Variants in ARMH4 observed in about 807,000 individuals in gnomAD.
ARMH4 encodes armadillo-like helical domain-containing protein 4.
A neutral mutation model predicts 61.9 loss-of-function variants in ARMH4; 49 were observed. The observed-to-expected ratio is 0.79, with a 90% confidence interval of 0.63 to 1.00. The LOEUF is 1.00. Ranked by LOEUF, ARMH4 falls within the 50% of genes least tolerant of loss-of-function variation. ARMH4 has a pLI of 0.00. For synonymous variants in ARMH4, 368 were observed against 341.5 expected, an observed-to-expected ratio of 1.08 and a Z score of -0.85; for missense variants, 934 against 930.0, an observed-to-expected ratio of 1.00 and a Z score of -0.06.
At position 58,133,201 on chromosome 14, in the gene ARMH4, C is replaced by T. The variant is rs1311783110; in HGVS notation, c.1510G>A (p.Val504Met). The change falls in exon 3 of 8, where the codon GTG becomes ATG. Residue 504 changes from valine to methionine, a missense_variant. By Grantham distance (21) the Val-to-Met change is conservative. Transcript: ENST00000267485. The stretch of plus-strand genomic sequence containing the variant: ...TGAGTAACACCAGGAACGTCAGACA[C>T]AGGAGAGGGGTCCTCCTTTTCTTCC... ...TEEEKEDPSP[V>M]SDVPGVTQLS... 1.2e-6 allele frequency: 2 copies of T among 1,614,142 alleles called. No homozygotes were observed. The highest frequency in any genetic ancestry group is 2.2e-5 in the East Asian group (1 of 44,880).
intron 5 of ARMH4, among the ~76,000 whole-genome samples, chr14:58,056,239 C>T (rs1036255611): frequency 6.6e-6 from 1 of 152,230 alleles, no homozygotes; most frequent in Non-Finnish European, 1.5e-5. Flanking sequence ...GTTATTCTCT[C>T]AGCTCTGCTT....
intron 6 of ARMH4, among the ~76,000 whole-genome samples, chr14:58,011,731 G>A (rs1468232806): frequency 6.8e-6 from 1 of 146,784 alleles, no homozygotes; most frequent in African/African-American, 2.5e-5. Flanking sequence ...TGGCAGCACT[G>A]TGATAAACTA....
chr14:58,143,371 C>T (rs974288385), intron 1 of ARMH4, among the ~76,000 whole-genome samples: 45 of 152,276 alleles, frequency 3.0e-4, no homozygotes, highest in African/African-American at 7.9e-4. Context: ...GATAATGAGA[C>T]GGGTGCTAAG....
intron 5 of ARMH4, among the ~76,000 whole-genome samples, chr14:58,092,766 C>T (rs1242065803): frequency 2.0e-5 from 3 of 152,004 alleles, no homozygotes; most frequent in African/African-American, 4.8e-5. Flanking sequence ...ATAATGAGCC[C>T]ACCCAATAAT....
chr14:58,028,553 G>A lies in ARMH4; in HGVS notation c.2090-16403C>T, dbSNP rs993016234. ...CTTTCGCTGAGGGGCAGCTTTTCCA[G>A]GGTGCCATCTTTGTGCAGGGGTTTC... On this transcript the variant is annotated intron_variant, in intron 5 of 7. Coordinates refer to ENST00000267485, the MANE Select transcript of ARMH4 (RefSeq NM_001001872.4). Among the ~76,000 whole-genome samples the A allele has an allele frequency of 3.9e-5, 6 of 152,118 alleles. No homozygotes were observed. In the South Asian group the frequency reaches 1.2e-3, roughly 32 times the overall value.
At chr14:58,104,468 G>A (rs1488420257) in intron 4 of ARMH4, among the ~76,000 whole-genome samples, 1 of 152,190 alleles carries the variant, frequency 6.6e-6, no homozygotes, top group Non-Finnish European at 1.5e-5. Flanking sequence ...AAAGATAGAA[G>A]GAAGTCAGCC....
chr14:58,008,537 A>T (rs1258878180), intron 6 of ARMH4, among the ~76,000 whole-genome samples: 1 of 152,232 alleles, frequency 6.6e-6, no homozygotes, highest in Non-Finnish European at 1.5e-5. Flanking sequence ...TATTCAGAAT[A>T]GCTGTCATCA....
chr14:58,067,468 T>C (rs1445491989), intron 5 of ARMH4, among the ~76,000 whole-genome samples: 4 of 152,010 alleles, frequency 2.6e-5, no homozygotes, highest in Non-Finnish European at 5.9e-5. Flanking sequence ...GTGAAAGAAG[T>C]GGGGAGGCAG....
At chr14:58,144,524 G>A (rs1032584153) in intron 1 of ARMH4, among the ~76,000 whole-genome samples, 3 of 152,004 alleles carry the variant, frequency 2.0e-5, no homozygotes, top group South Asian at 2.1e-4. Flanking sequence ...CATTCTGGGC[G>A]ACAGAGAAAA....
chr14:58,087,960 CTCTT>C (rs1464784116), intron 5 of ARMH4, among the ~76,000 whole-genome samples: 1 of 152,152 alleles, frequency 6.6e-6, no homozygotes, highest in Non-Finnish European at 1.5e-5. Flanking sequence ...TTGGCCAGTT[CTCTT>C]TCTGACTTTT....
chr14:58,137,243 A>G (rs1229693973), intron 2 of ARMH4, among the ~76,000 whole-genome samples: 7 of 152,204 alleles, frequency 4.6e-5, no homozygotes, highest in Admixed American at 2.6e-4. Flanking sequence ...AGTCTAAGAT[A>G]TTTAACAATA....
chr14:58,004,567 T>C lies in ARMH4; in HGVS notation c.*169A>G. Reference sequence around the variant, plus strand: ...TGCATGATACGTTTAGTATACAACATGCCATTTCTGCTCAGTACAAGAAAA... The same window carrying C: ...TGCATGATACGTTTAGTATACAACACGCCATTTCTGCTCAGTACAAGAAAA... On this transcript the variant is annotated 3_prime_UTR_variant, in exon 8 of 8. Coordinates refer to ENST00000267485, the MANE Select transcript of ARMH4 (RefSeq NM_001001872.4). 1.7e-6 allele frequency: 1 copy of C among 588,946 alleles called. No individual in the cohort carries two copies. The highest frequency in any genetic ancestry group is 3.1e-6 in the Non-Finnish European group (1 of 324,764). The allele number at this position is 588,946 out of a possible 1,614,324, so 36.5% of individuals were successfully genotyped here.
rs554927367 is a variant in ARMH4, at chr14:58,055,672, C to A, written c.2089+41052G>T. On this transcript the variant is annotated intron_variant, in intron 5 of 7. Transcript: ENST00000267485. ...AAAATGCAGAATCTCAGTCACCCCC[C>A]ACCCTACACCTCCTGAATCAGAATC... is the stretch of plus-strand genomic sequence containing the variant. Among the ~76,000 whole-genome samples the A allele has an allele frequency of 1.1e-4, 16 of 152,262 alleles. No individual in the cohort carries two copies. In the East Asian group the frequency reaches 2.9e-3, roughly 28 times the overall value.
In ARMH4 at chr14:58,121,390, C is replaced by G. The variant is rs546486045; in HGVS notation, c.1831+10122G>C. On this transcript the variant is annotated intron_variant, in intron 4 of 7. Coordinates refer to ENST00000267485, the MANE Select transcript of ARMH4 (RefSeq NM_001001872.4). Reference sequence around the variant, plus strand: ...ACACACAAAAAATAGATGAGGGGAACCAACTCTACAAGGTTTACTTAATTG... The same window carrying G: ...ACACACAAAAAATAGATGAGGGGAAGCAACTCTACAAGGTTTACTTAATTG... 3.9e-5 allele frequency among the ~76,000 whole-genome samples: 6 copies of G among 152,240 alleles called. No homozygotes were observed. In the South Asian group the frequency reaches 1.2e-3, roughly 32 times the overall value.
At chr14:58,037,738 G>A (rs11504631) in intron 5 of ARMH4, among the ~76,000 whole-genome samples, 14 of 9,286 alleles carry the variant, frequency 1.5e-3, no homozygotes, top group Non-Finnish European at 2.3e-3. Flanking sequence ...AAAAGTGGGC[G>A]AAGGACATGA....
intron 4 of ARMH4, among the ~76,000 whole-genome samples, chr14:58,124,881 T>G (rs1886845390): frequency 6.6e-6 from 1 of 152,262 alleles, no homozygotes; most frequent in Admixed American, 6.5e-5. Context: ...CTAATAGCCC[T>G]CACTTGGGCA....
rs538585895 is a variant in ARMH4 at position 58,042,581 on chromosome 14, G to A, written c.2090-30431C>T. On this transcript the variant is annotated intron_variant, in intron 5 of 7. Coordinates refer to ENST00000267485, the MANE Select transcript of ARMH4 (RefSeq NM_001001872.4). ...AAACACATTCAAAAGCTAGCAGAAGGCAAGAAATAACTAAGATCAGAGCAG... is the reference window on the plus strand; with the variant it reads ...AAACACATTCAAAAGCTAGCAGAAGACAAGAAATAACTAAGATCAGAGCAG... Among the ~76,000 whole-genome samples the A allele has an allele frequency of 5.1e-3, 782 of 151,964 alleles. 5 individuals carry two copies. Among genetic ancestry groups the A allele is most frequent in the Admixed American group, 8.6e-3 (131 of 15,252 alleles).
chr14:58,065,547 A>G (rs2141220104), intron 5 of ARMH4, among the ~76,000 whole-genome samples: 1 of 152,360 alleles, frequency 6.6e-6, no homozygotes, highest in South Asian at 2.1e-4. Context: ...CTGTTTCATT[A>G]TCTAATTTAT....
In ARMH4 at chr14:58,012,019, T is replaced by C. The variant is rs1007713478; in HGVS notation, c.2121+100A>G. On this transcript the variant is annotated intron_variant, in intron 6 of 7. Transcript: ENST00000267485. ...TGAATCTTTAGATAGATTACCAGAA[T>C]CAGAATAATAAACCAAAGCCCTACT... is the stretch of plus-strand genomic sequence containing the variant. The C allele has an allele frequency of 4.8e-6, 4 of 832,336 alleles. No homozygotes were observed. The African/African-American group carries it at 7.2e-5, about 15-fold the overall frequency. The allele number at this position is 832,336 out of a possible 1,614,324, so 51.6% of individuals were successfully genotyped here. A position where few individuals can be genotyped will look rare whatever the true frequency, so the allele number is the denominator to read the frequency against.
Sources: gnomAD v4.1 joint callset for allele counts (sites outside exome capture counted in the v4.1 genomes callset) on GRCh38, gnomAD v4.1.1 for gene constraint, MANE v1.5 for transcripts, NCBI Gene and HGNC (gene_info 2026-07-23, HGNC 2026-07-21) for gene names.